The following SLC25A21 variants were observed in gnomAD, a reference collection of about 807,000 sequenced individuals.
SLC25A21 encodes the protein solute carrier family 25 member 21.
SLC25A21 carries 47 observed loss-of-function variants against 43.8 expected under a neutral mutation model. The observed-to-expected ratio is 1.07, with a 90% CI of 0.85 to 1.37. The LOEUF is 1.37. Ranked by LOEUF, SLC25A21 falls within the 40% of genes most tolerant of loss-of-function variation. The pLI is 0.00. For synonymous variants in SLC25A21, 131 were observed against 121.3 expected (o/e 1.08, Z -0.52); for missense variants, 352 against 350.2 (o/e 1.00, Z -0.04).
At chr14:36,757,492 GAACACATAGATCGATTT>G (rs1347495925) in intron 3 of SLC25A21, among the ~76,000 whole-genome samples, 3 of 152,026 alleles carry the variant, frequency 2.0e-5, no homozygotes, top group Non-Finnish European at 2.9e-5. Flanking sequence ...TCAAATATAT[GAACACATAGATCGATTT>G]ATCAACATAA....
intron 1 of SLC25A21, among the ~76,000 whole-genome samples, chr14:37,083,985 T>G (rs537595420): frequency 6.5e-4 from 99 of 152,368 alleles, no homozygotes; most frequent in Admixed American, 1.2e-3. Context: ...AATTCAACTC[T>G]GTGCCATATC....
At chr14:37,162,826 A>G (rs1963968465) in intron 1 of SLC25A21, among the ~76,000 whole-genome samples, 2 of 152,150 alleles carry the variant, frequency 1.3e-5, no homozygotes, top group South Asian at 4.1e-4. Context: ...ATGCTGCTAT[A>G]AAGACACATG....
At chr14:36,791,398 C>A (rs1887479758) in intron 3 of SLC25A21, among the ~76,000 whole-genome samples, 2 of 152,124 alleles carry the variant, frequency 1.3e-5, no homozygotes, top group African/African-American at 4.8e-5. Context: ...ATGTTGCAAA[C>A]CTCAGTGAAA....
At position 36,781,821 on chromosome 14, in the gene SLC25A21, C is replaced by T. The variant is rs144117445; in HGVS notation, c.203+32097G>A. Reference sequence around the variant, plus strand: ...TATTCTGAATTTGACTATATATTTACCTTTAGCAGGGAGTCTTATACTTTC... The same window carrying T: ...TATTCTGAATTTGACTATATATTTATCTTTAGCAGGGAGTCTTATACTTTC... On this transcript the variant is annotated intron_variant, in intron 3 of 9. Coordinates refer to ENST00000331299, the MANE Select transcript of SLC25A21 (RefSeq NM_030631.4). Among the ~76,000 whole-genome samples, 1,056 of 152,256 alleles carry T rather than the reference C, an allele frequency of 6.9e-3. 5 individuals are homozygous for T. Among genetic ancestry groups the T allele is most frequent in the African/African-American group, 0.02 (834 of 41,560 alleles).
At chr14:36,781,888 T>A (rs570944600) in intron 3 of SLC25A21, among the ~76,000 whole-genome samples, 58 of 152,338 alleles carry the variant, frequency 3.8e-4, no homozygotes, top group Non-Finnish European at 5.4e-4. Context: ...TTATTTAATC[T>A]TGAAGAACTC....
intron 2 of SLC25A21, among the ~76,000 whole-genome samples, chr14:36,869,785 T>A (rs1271412026): frequency 6.6e-6 from 1 of 152,172 alleles, no homozygotes; most frequent in Non-Finnish European, 1.5e-5. Context: ...CAATCTTGAT[T>A]GAAAGATTCT....
chr14:37,079,487 C>T (rs1052975538), intron 1 of SLC25A21, among the ~76,000 whole-genome samples: 4 of 152,186 alleles, frequency 2.6e-5, no homozygotes, highest in African/African-American at 9.7e-5. Context: ...ATCACTTTAA[C>T]CTTGCTCCTA....
In SLC25A21 at chr14:36,678,735, C is replaced by T. The variant is rs137952758; in HGVS notation, c.*1923G>A. 54 of 1,165,724 alleles carry T rather than the reference C, an allele frequency of 4.6e-5. No individual in the cohort carries two copies. In the Admixed American group the frequency reaches 6.7e-4, roughly 15 times the overall value. The allele number at this position is 1,165,724 out of a possible 1,614,324, so 72.2% of individuals were successfully genotyped here. A position where few individuals can be genotyped will look rare whatever the true frequency, so the allele number is the denominator to read the frequency against. On this transcript the variant is annotated 3_prime_UTR_variant, in exon 10 of 10. Transcript: ENST00000331299. ...AATTAAGAAATCTCTTGTTATTGTG[C>T]TATTTATAATTTTTTTCTGGTTCTT... is the stretch of plus-strand genomic sequence containing the variant.
At chr14:36,915,666 A>G (rs1027978890) in intron 1 of SLC25A21, among the ~76,000 whole-genome samples, 3 of 152,110 alleles carry the variant, frequency 2.0e-5, no homozygotes, top group Non-Finnish European at 4.4e-5. Flanking sequence ...ACAGTTATTG[A>G]GGTTCCTGCT....
chr14:36,700,337 T>G (rs1486907066), intron 7 of SLC25A21, among the ~76,000 whole-genome samples: 2 of 152,236 alleles, frequency 1.3e-5, no homozygotes, highest in Non-Finnish European at 2.9e-5. Context: ...GAATGCTTGA[T>G]CCTAGTGTAC....
chr14:36,979,808 T>G (rs185592518), intron 1 of SLC25A21, among the ~76,000 whole-genome samples: 64 of 152,334 alleles, frequency 4.2e-4, no homozygotes, highest in African/African-American at 1.5e-3. Flanking sequence ...GTTTTCATCT[T>G]TGTTTCTGAC....
intron 1 of SLC25A21, among the ~76,000 whole-genome samples, chr14:37,164,320 G>C (rs1442320098): frequency 6.6e-6 from 1 of 151,910 alleles, no homozygotes; most frequent in Non-Finnish European, 1.5e-5. Context: ...CGAGCAATAG[G>C]GTTGCTTCCT....
intron 1 of SLC25A21, among the ~76,000 whole-genome samples, chr14:36,896,354 G>A (rs1891238382): frequency 6.6e-6 from 1 of 152,058 alleles, no homozygotes; most frequent in Non-Finnish European, 1.5e-5. Flanking sequence ...CAGAGACTAG[G>A]ATTGCAACTC....
intron 1 of SLC25A21, among the ~76,000 whole-genome samples, chr14:36,920,313 A>T (rs543446861): frequency 6.6e-6 from 1 of 152,210 alleles, no homozygotes; most frequent in African/African-American, 2.4e-5. Context: ...GAAAACTGAT[A>T]TTCACACAGG....
At chr14:36,736,778 G>A (rs1885058772) in intron 3 of SLC25A21, among the ~76,000 whole-genome samples, 1 of 152,214 alleles carries the variant, frequency 6.6e-6, no homozygotes, top group South Asian at 2.1e-4. Flanking sequence ...GGAGAAATAT[G>A]GTGAACATGA....
chr14:36,742,564 TC>T (rs1030297585), intron 3 of SLC25A21, among the ~76,000 whole-genome samples: 42 of 152,236 alleles, frequency 2.8e-4, no homozygotes, highest in African/African-American at 8.9e-4. Context: ...ATTGCATGCA[TC>T]TTGGGGCCAT....
intron 1 of SLC25A21, among the ~76,000 whole-genome samples, chr14:37,099,729 A>AGT (rs1431402332): frequency 1.3e-5 from 2 of 152,056 alleles, no homozygotes; most frequent in African/African-American, 2.4e-5. Flanking sequence ...GGGAACTTTA[A>AGT]ATGTATCTTT....
intron 1 of SLC25A21, among the ~76,000 whole-genome samples, chr14:37,155,888 A>G (rs1317653806): frequency 6.6e-6 from 1 of 152,010 alleles, no homozygotes; most frequent in African/African-American, 2.4e-5. Context: ...CCCAGCCCTG[A>G]TGGTTCATGC....
At chr14:37,157,199 A>G (rs1963866050) in intron 1 of SLC25A21, among the ~76,000 whole-genome samples, 1 of 152,086 alleles carries the variant, frequency 6.6e-6, no homozygotes, top group Non-Finnish European at 1.5e-5. Flanking sequence ...TCTCCTAAAA[A>G]CACACAAAAA....
Sources: allele counts gnomAD v4.1 joint callset (sites outside exome capture counted in the v4.1 genomes callset), GRCh38; gene constraint gnomAD v4.1.1; transcripts MANE v1.5; gene names NCBI Gene and HGNC (gene_info 2026-07-23, HGNC 2026-07-21).